PTPRG: variants seen among roughly 807,000 people sequenced by gnomAD.
PTPRG encodes the protein protein tyrosine phosphatase receptor type G, also known as receptor-type tyrosine-protein phosphatase gamma.
In PTPRG, 102 loss-of-function variants were observed where a neutral mutation model predicts 165.3. The ratio of observed to expected loss-of-function variants is 0.62; its 90% CI spans 0.53 to 0.73. The LOEUF is 0.73. PTPRG is among the 30% of genes least tolerant of loss of function. The probability of loss-of-function intolerance (pLI) is 0.00; values close to 1 mark genes in which losing one functional copy is unlikely to be tolerated. For missense variants in PTPRG, 1,866 were observed against 1,861.4 expected, an observed-to-expected ratio of 1.00 and a Z score of -0.05; for synonymous variants, 675 against 669.5, an observed-to-expected ratio of 1.01 and a Z score of -0.13.
intron 1 of PTPRG, among the ~76,000 whole-genome samples, chr3:61,699,120 T>C (rs936188803): frequency 6.6e-6 from 1 of 151,992 alleles, no homozygotes; most frequent in Non-Finnish European, 1.5e-5. Flanking sequence ...TGTATACATA[T>C]GTAACAAACC....
chr3:62,273,358 ATGT>A lies in PTPRG; in HGVS notation c.3318+281_3318+283del, dbSNP rs1310728555. On this transcript the variant is annotated intron_variant, in intron 22 of 29. Coordinates refer to ENST00000474889, the MANE Select transcript of PTPRG (RefSeq NM_002841.4). This position sits in a 1 kb window ranked among gnomAD's most constrained non-coding sequence, Gnocchi z 4.1. ...TGTTAGATGGTAGGGGGAGTTAAAC[ATGT>A]TGTCTGGCCTGAGAAATACATAGGA... 6.6e-6 allele frequency among the ~76,000 whole-genome samples: 1 copy of A among 152,186 alleles called. No homozygotes were observed. Among genetic ancestry groups the A allele is most frequent in the Non-Finnish European group, 1.5e-5 (1 of 68,038 alleles).
chr3:61,820,603 G>GTT lies in PTPRG; in HGVS notation c.190+71646_190+71647dup, dbSNP rs11329820. Among the ~76,000 whole-genome samples the GTT allele has an allele frequency of 5.3e-3, 346 of 65,726 alleles. 21 individuals carry two copies. Among genetic ancestry groups the GTT allele is most frequent in the East Asian group, 0.031 (68 of 2,172 alleles). The allele number at this position is 65,726 out of a possible 152,430, so 43.1% of individuals were successfully genotyped here. On this transcript the variant is annotated intron_variant, in intron 2 of 29. Transcript: ENST00000474889. Reference sequence around the variant, plus strand: ...TTTAATTTCTTGTTCCTGTGTCTCTGTTTTTTTTTTTTTTTTTTTTTTTTT... The same window carrying GTT: ...TTTAATTTCTTGTTCCTGTGTCTCTGTTTTTTTTTTTTTTTTTTTTTTTTTTT...
intron 14 of PTPRG, among the ~76,000 whole-genome samples, chr3:62,232,500 C>T (rs1700924914): frequency 6.6e-6 from 1 of 152,184 alleles, no homozygotes; most frequent in East Asian, 1.9e-4. Context: ...CACTTAAATG[C>T]TTAACTGTCA....
intron 2 of PTPRG, among the ~76,000 whole-genome samples, chr3:61,846,814 C>G (rs1422276337): frequency 1.3e-5 from 2 of 152,086 alleles, no homozygotes; most frequent in Non-Finnish European, 2.9e-5. Context: ...ACTTAGGAAG[C>G]TGAGGTTGGA....
intron 4 of PTPRG, among the ~76,000 whole-genome samples, chr3:62,063,840 T>A (rs1700906296): frequency 6.6e-6 from 1 of 152,108 alleles, no homozygotes; most frequent in Non-Finnish European, 1.5e-5. Flanking sequence ...CTTTGGAGTG[T>A]TAGTGAGCTT....
intron 6 of PTPRG, among the ~76,000 whole-genome samples, chr3:62,133,445 A>T (rs1463546232): frequency 6.6e-6 from 1 of 152,230 alleles, no homozygotes; most frequent in Non-Finnish European, 1.5e-5. Flanking sequence ...GTGATAAAAC[A>T]TCTTCACACC....
At chr3:61,808,509 A>G (rs1227439884) in intron 2 of PTPRG, among the ~76,000 whole-genome samples, 1 of 152,156 alleles carries the variant, frequency 6.6e-6, no homozygotes, top group Non-Finnish European at 1.5e-5. Flanking sequence ...CAACCTCATC[A>G]TAACCTTCCC....
intron 2 of PTPRG, among the ~76,000 whole-genome samples, chr3:61,849,467 C>G (rs1389529790): frequency 6.6e-6 from 1 of 151,990 alleles, no homozygotes; most frequent in African/African-American, 2.4e-5. Context: ...GAAAGCTCTC[C>G]CTGAAAGATG....
At chr3:62,147,711 A>G (rs1704175393) in intron 6 of PTPRG, among the ~76,000 whole-genome samples, 2 of 152,296 alleles carry the variant, frequency 1.3e-5, no homozygotes, top group South Asian at 4.1e-4. Context: ...CTCTTTTCAC[A>G]TAATTATTAG....
At chr3:62,091,170 A>G (rs957549348) in intron 5 of PTPRG, among the ~76,000 whole-genome samples, 3 of 152,254 alleles carry the variant, frequency 2.0e-5, no homozygotes, top group African/African-American at 7.2e-5. Flanking sequence ...CAGGACATAT[A>G]TCGCTTCAGT....
intron 4 of PTPRG, among the ~76,000 whole-genome samples, chr3:62,048,730 C>A (rs547498751): frequency 2.4e-4 from 36 of 152,270 alleles, no homozygotes; most frequent in Non-Finnish European, 1.2e-4. Context: ...GTCCTTTATT[C>A]TCTATCTAGA....
chr3:61,927,427 C>CCTAT (rs2039247349), intron 2 of PTPRG, among the ~76,000 whole-genome samples: 3 of 152,176 alleles, frequency 2.0e-5, no homozygotes, highest in East Asian at 3.9e-4. Context: ...TGGAGAGAGG[C>CCTAT]CTATTGGAGA....
intron 3 of PTPRG, among the ~76,000 whole-genome samples, chr3:61,994,317 T>C (rs1452475385): frequency 6.6e-6 from 1 of 152,236 alleles, no homozygotes; most frequent in Non-Finnish European, 1.5e-5. Flanking sequence ...TATTTTATTT[T>C]TATTTTATTT....
At chr3:61,815,954 A>G (rs2035750740) in intron 2 of PTPRG, among the ~76,000 whole-genome samples, 1 of 152,184 alleles carries the variant, frequency 6.6e-6, no homozygotes, top group South Asian at 2.1e-4. Flanking sequence ...GTCACTGGTG[A>G]CTGGCCATCT....
intron 16 of PTPRG, among the ~76,000 whole-genome samples, chr3:62,257,701 T>A (rs1474021248): frequency 6.6e-6 from 1 of 152,104 alleles, no homozygotes; most frequent in Non-Finnish European, 1.5e-5. Flanking sequence ...ACACCTGTAA[T>A]CCCAACACTT....
intron 1 of PTPRG, among the ~76,000 whole-genome samples, chr3:61,657,473 CAAAAT>C (rs775937023): frequency 6.6e-6 from 1 of 152,004 alleles, no homozygotes; most frequent in Non-Finnish European, 1.5e-5. Context: ...CGTCTCTACA[CAAAAT>C]AAAATAAAAA....
intron 1 of PTPRG, among the ~76,000 whole-genome samples, chr3:61,702,787 A>G (rs996248110): frequency 6.6e-6 from 1 of 152,186 alleles, no homozygotes; most frequent in Admixed American, 6.5e-5. Flanking sequence ...GCTCAACATA[A>G]TGTCTATGAA....
chr3:61,570,258 T>C (rs1253205517), intron 1 of PTPRG, among the ~76,000 whole-genome samples: 1 of 126,330 alleles, frequency 7.9e-6, no homozygotes, highest in Non-Finnish European at 1.8e-5. Context: ...CTCTAATCTT[T>C]TCTTTTTTTT....
At chr3:61,839,719 A>G (rs894114106) in intron 2 of PTPRG, among the ~76,000 whole-genome samples, 1 of 152,254 alleles carries the variant, frequency 6.6e-6, no homozygotes, top group Non-Finnish European at 1.5e-5. Context: ...ATAAACATTT[A>G]GAGAAATAAA....
Sources: allele counts gnomAD v4.1 joint callset (sites outside exome capture counted in the v4.1 genomes callset), GRCh38; gene constraint gnomAD v4.1.1; non-coding constraint Gnocchi (gnomAD v3.1); transcripts MANE v1.5; gene names NCBI Gene and HGNC (gene_info 2026-07-23, HGNC 2026-07-21).